Variants in HHIP observed in about 807,000 individuals in gnomAD.
HHIP encodes hedgehog-interacting protein.
In HHIP, 12 loss-of-function variants were observed where a neutral mutation model predicts 74.0. That is an observed-to-expected ratio of 0.16 (90% CI 0.10 to 0.26). HHIP has a LOEUF of 0.26. Ranked by LOEUF, HHIP falls within the 10% of genes least tolerant of loss-of-function variation. HHIP has a pLI of 1.00. For missense variants in HHIP, 788 were observed against 845.0 expected, an observed-to-expected ratio of 0.93 and a Z score of 0.84; for synonymous variants, 309 against 311.6, an observed-to-expected ratio of 0.99 and a Z score of 0.09.
At position 144,738,369 on chromosome 4, in the gene HHIP, T is replaced by G; in HGVS notation, c.*412T>G. The stretch of plus-strand genomic sequence containing the variant: ...ACAGTACTGTGCAATCCGATGGATC[T>G]AATTAAAAAAAAGGCAATATTTTTA... On this transcript the variant is annotated 3_prime_UTR_variant, in exon 13 of 13. Coordinates refer to ENST00000296575, the MANE Select transcript of HHIP (RefSeq NM_022475.3). 1.0e-6 allele frequency: 1 copy of G among 978,150 alleles called. No homozygotes were observed. Among genetic ancestry groups the G allele is most frequent in the Non-Finnish European group, 1.2e-6 (1 of 822,974 alleles). The allele number at this position is 978,150 out of a possible 1,614,324, so 60.6% of individuals were successfully genotyped here.
intron 4 of HHIP, among the ~76,000 whole-genome samples, chr4:144,668,072 C>T (rs1728924427): frequency 6.6e-6 from 1 of 152,016 alleles, no homozygotes; most frequent in African/African-American, 2.4e-5. Context: ...AATCCCAGCA[C>T]TTTGGGAGGC....
In HHIP at chr4:144,718,918, T is replaced by C; in HGVS notation, c.1722T>C (p.Thr574=). ...ILSSSKSMTQ[T]HNGKLYKIVD... is the part of the protein sequence containing the mutation. ...CAAGCAGTAAAAGTATGACCCAGAC[T>C]CACAATGGAAAACTCTACAAAATTG... Residue 574 remains threonine (T), a synonymous_variant, in exon 11 of 13, where the codon ACT becomes ACC. Transcript: ENST00000296575. 1 of 1,610,456 alleles carries C rather than the reference T, an allele frequency of 6.2e-7. No individual in the cohort carries two copies. The highest frequency in any genetic ancestry group is 1.1e-5 in the South Asian group (1 of 90,986).
At chr4:144,692,792 T>A (rs1262420728) in intron 4 of HHIP, among the ~76,000 whole-genome samples, 1 of 152,134 alleles carries the variant, frequency 6.6e-6, no homozygotes, top group Admixed American at 6.6e-5. Flanking sequence ...TATCTTTCCA[T>A]GCAACAACTC....
At chr4:144,710,704 T>C (rs1264375228) in intron 7 of HHIP, among the ~76,000 whole-genome samples, 1 of 152,108 alleles carries the variant, frequency 6.6e-6, no homozygotes, top group Non-Finnish European at 1.5e-5. Context: ...TTTTCACAAT[T>C]AGAGTGTGAT....
In HHIP at chr4:144,652,719, G is replaced by A. The variant is rs1203480098; in HGVS notation, c.394G>A (p.Glu132Lys). ...LFHSPEREVL[E>K]RDLVLPLLCK... Reference sequence around the variant, plus strand: ...CCACTCACCTGAGAGAGAAGTCTTGGAAAGAGACCTAGTACTTCCTCTGCT... The same window carrying A: ...CCACTCACCTGAGAGAGAAGTCTTGAAAAGAGACCTAGTACTTCCTCTGCT... The change falls in exon 2 of 13, where the codon GAA becomes AAA. Residue 132 changes from glutamate to lysine, a missense_variant. Physicochemically the swap from Glu to Lys is moderately conservative, Grantham distance 56. Transcript: ENST00000296575. 2 of 1,612,996 alleles carry A rather than the reference G, an allele frequency of 1.2e-6. No individual in the cohort carries two copies. Among genetic ancestry groups the A allele is most frequent in the Middle Eastern group, 1.7e-4 (1 of 6,058 alleles).
chr4:144,659,959 G>A (rs191635463), intron 4 of HHIP, 121 bp downstream of exon 4: 15 of 712,744 alleles, frequency 2.1e-5, no homozygotes, highest in Non-Finnish European at 3.5e-5. Flanking sequence ...AGAAAATAAG[G>A]GGGCAACATA....
In HHIP at chr4:144,715,338, A is replaced by T. The variant is rs773613868; in HGVS notation, c.1586A>T (p.Gln529Leu). 16 of 1,611,008 alleles carry T rather than the reference A, an allele frequency of 9.9e-6. No individual in the cohort carries two copies. Among genetic ancestry groups the T allele is most frequent in the Non-Finnish European group, 1.4e-5 (16 of 1,177,942 alleles). The change falls in exon 10 of 13, where the codon CAG becomes CTG. Residue 529 changes from glutamine to leucine, a missense_variant. Coordinates refer to ENST00000296575, the MANE Select transcript of HHIP (RefSeq NM_022475.3). ...CTCCAGCAAAGTCCTGTGACAAAGCAGTGGCAAGAAAAACCACTCTGTCTC... is the reference window on the plus strand; with the variant it reads ...CTCCAGCAAAGTCCTGTGACAAAGCTGTGGCAAGAAAAACCACTCTGTCTC... ...LTLQQSPVTK[Q>L]WQEKPLCLGT...
At position 144,744,053 on chromosome 4, in the gene HHIP, T is replaced by C. The variant is rs1196509387; in HGVS notation, c.*6096T>C. 1 of 152,126 alleles carries C rather than the reference T, an allele frequency of 6.6e-6. No individual in the cohort carries two copies. Among genetic ancestry groups the C allele is most frequent in the Non-Finnish European group, 1.5e-5 (1 of 67,984 alleles). The allele number at this position is 152,126 out of a possible 1,614,324, so 9.4% of individuals were successfully genotyped here. ...ACTACCTTATGAGAGATCAGATATT[T>C]CCCTTATCTCATTATATTCACAGCA... On this transcript the variant is annotated 3_prime_UTR_variant, in exon 13 of 13. Coordinates refer to ENST00000296575, the MANE Select transcript of HHIP (RefSeq NM_022475.3).
intron 1 of HHIP, among the ~76,000 whole-genome samples, chr4:144,647,754 G>A (rs181242276): frequency 6.6e-6 from 1 of 152,088 alleles, no homozygotes; most frequent in East Asian, 1.9e-4. Flanking sequence ...TTGCAATATC[G>A]TTCTTGCCAG....
At position 144,646,375 on chromosome 4, in the gene HHIP, C is replaced by T. The variant is rs1466615696; in HGVS notation, c.-301C>T. ...CTTCCAACTCCTTCTCCTCCTCCCA[C>T]TTCCCAGCCGCAGCAGAAAGCCCCC... On this transcript the variant is annotated 5_prime_UTR_variant, in exon 1 of 13. Transcript: ENST00000296575. The T allele has an allele frequency of 6.3e-6, 2 of 316,574 alleles. No homozygotes were observed. Among genetic ancestry groups the T allele is most frequent in the African/African-American group, 4.2e-5 (2 of 47,120 alleles). 19.6% of individuals were successfully genotyped at this position (316,574 alleles called of 1,614,324 possible).
chr4:144,721,078 A>C (rs1730619311), intron 11 of HHIP, among the ~76,000 whole-genome samples: 1 of 152,192 alleles, frequency 6.6e-6, no homozygotes. Context: ...AACACAAATT[A>C]AACTTTTAGG....
chr4:144,681,581 C>G (rs1277294609), intron 4 of HHIP, among the ~76,000 whole-genome samples: 1 of 152,068 alleles, frequency 6.6e-6, no homozygotes, highest in Admixed American at 6.5e-5. Flanking sequence ...CAGGACACCA[C>G]ACCTGGCTAA....
intron 11 of HHIP, among the ~76,000 whole-genome samples, chr4:144,724,660 G>A (rs1008117725): frequency 1.2e-4 from 15 of 126,852 alleles, no homozygotes; most frequent in African/African-American, 4.2e-4. Context: ...GTGTGTGTGT[G>A]TGTGTGTGTA....
intron 4 of HHIP, among the ~76,000 whole-genome samples, chr4:144,680,125 G>A (rs532816498): frequency 2.6e-5 from 4 of 152,100 alleles, no homozygotes; most frequent in Non-Finnish European, 5.9e-5. Flanking sequence ...TGAAAAGAAC[G>A]TGTTTATGTC....
intron 4 of HHIP, among the ~76,000 whole-genome samples, chr4:144,690,385 G>A (rs1427011761): frequency 1.3e-5 from 2 of 152,144 alleles, no homozygotes; most frequent in African/African-American, 4.8e-5. Flanking sequence ...AGCAATACCT[G>A]GAAAGTACTA....
rs1044422556 is a variant in HHIP, at chr4:144,683,120, C to T, written c.831+23282C>T. Among the ~76,000 whole-genome samples the T allele has an allele frequency of 6.6e-5, 10 of 152,218 alleles. No individual in the cohort carries two copies. The East Asian group carries it at 1.9e-3, about 29-fold the overall frequency. On this transcript the variant is annotated intron_variant, in intron 4 of 12. Transcript: ENST00000296575. ...TCCATTGTCAGGTCATAGGATTTTA[C>T]GTTCTTGTCCAGTAATTTTGAAACA...
chr4:144,646,235 C>T lies in HHIP; in HGVS notation c.-441C>T, dbSNP rs1728248342. The T allele has an allele frequency of 6.0e-6, 1 of 166,018 alleles. No homozygotes were observed. The highest frequency in any genetic ancestry group is 1.3e-5 in the Non-Finnish European group (1 of 77,242). The allele number at this position is 166,018 out of a possible 1,614,324, so 10.3% of individuals were successfully genotyped here. On this transcript the variant is annotated 5_prime_UTR_variant, in exon 1 of 13. Transcript: ENST00000296575. The stretch of plus-strand genomic sequence containing the variant: ...CTAGAGCCCAGCGCTGGCCCTGCCT[C>T]CGCCTGCCCCGCCGCCGCCGTCGCC...
At chr4:144,712,266 T>A (rs550299471) in intron 8 of HHIP, among the ~76,000 whole-genome samples, 195 bp downstream of exon 8, 101 of 152,158 alleles carry the variant, frequency 6.6e-4, no homozygotes, top group Non-Finnish European at 1.3e-3. Flanking sequence ...GGGTTCCATC[T>A]GGTTAATTAC....
rs951862405 is a variant in HHIP at position 144,706,461 on chromosome 4, G to A, written c.832-70G>A. The A allele has an allele frequency of 1.0e-5, 13 of 1,239,638 alleles. No homozygotes were observed. In the African/African-American group the frequency reaches 2.0e-4, roughly 19 times the overall value. The allele number at this position is 1,239,638 out of a possible 1,614,324, so 76.8% of individuals were successfully genotyped here. A position where few individuals can be genotyped will look rare whatever the true frequency, so the allele number is the denominator to read the frequency against. On this transcript the variant is annotated intron_variant, in intron 4 of 12. Transcript: ENST00000296575. ...AAAAGAAAGAAAGAGACTCTTTTGG[G>A]GTTCCAGTTGAAACACAATAAAGAA...
Sources: allele counts gnomAD v4.1 joint callset (sites outside exome capture counted in the v4.1 genomes callset), GRCh38; gene constraint gnomAD v4.1.1; transcripts MANE v1.5; gene names NCBI Gene and HGNC (gene_info 2026-07-23, HGNC 2026-07-21).